The following RRBP1 variants were observed in gnomAD, a reference collection of about 807,000 sequenced individuals.
RRBP1 encodes ribosome binding protein 1, also known as ribosome-binding protein 1.
Under a neutral mutation model 165.2 loss-of-function variants are expected in RRBP1, and 94 were observed. That is an observed-to-expected ratio of 0.57 (90% CI 0.48 to 0.68). The LOEUF (loss-of-function observed/expected upper bound fraction) is 0.68. Ranked by LOEUF, RRBP1 falls within the 30% of genes least tolerant of loss-of-function variation. The pLI, the probability that RRBP1 is intolerant of heterozygous loss-of-function variation, is 0.00. For missense variants in RRBP1, 1,676 were observed against 1,763.0 expected (o/e 0.95, Z 0.88); for synonymous variants, 680 against 714.5 (o/e 0.95, Z 0.77).
Position 17,633,448 on chromosome 20 carries a change from G to A in RRBP1, c.2610+12C>T. 6.2e-7 allele frequency: 1 copy of A among 1,611,308 alleles called. No homozygotes were observed. Among genetic ancestry groups the A allele is most frequent in the Non-Finnish European group, 8.5e-7 (1 of 1,178,862 alleles). On this transcript the variant is annotated intron_variant, in intron 8 of 24. Transcript: ENST00000377813. ...TGAACAGGGCACTGAGGCGGCCACT[G>A]CCCCGACTCACCTGCAGCTGCAGGA...
intron 2 of RRBP1, among the ~76,000 whole-genome samples, chr20:17,666,507 A>G (rs552717704): frequency 6.6e-6 from 1 of 152,356 alleles, no homozygotes; most frequent in Admixed American, 6.5e-5. Context: ...CTGCATATGT[A>G]TAATTTACCC....
chr20:17,623,204 G>A (rs557414887), intron 13 of RRBP1: 7 of 152,378 alleles, frequency 4.6e-5, no homozygotes, highest in African/African-American at 1.4e-4. Context: ...GGGGCTACAA[G>A]GCCAAGATTC....
chr20:17,674,070 T>C (rs980604063), intron 2 of RRBP1, among the ~76,000 whole-genome samples: 4 of 152,218 alleles, frequency 2.6e-5, no homozygotes, highest in African/African-American at 9.6e-5. Context: ...TAAAAACCAA[T>C]TTAATGCAGT....
intron 3 of RRBP1, among the ~76,000 whole-genome samples, chr20:17,645,315 A>T (rs1397974885): frequency 6.6e-6 from 1 of 152,262 alleles, no homozygotes; most frequent in East Asian, 1.9e-4. Flanking sequence ...CGGCATTCTC[A>T]TAAATCTTTA....
rs1370946561 is a variant in RRBP1, at chr20:17,614,862, T to C, written c.4069A>G (p.Lys1357Glu). The C allele has an allele frequency of 1.9e-6, 3 of 1,613,430 alleles. No individual in the cohort carries two copies. Among genetic ancestry groups the C allele is most frequent in the Non-Finnish European group, 2.5e-6 (3 of 1,180,002 alleles). ...SQLKERLEKE[K>E]KLTSDLGRAA... ...CGCCCCAGGTCACTTGTTAACTTCT[T>C]CTCTTTTTCTAGTCTCTCCTGATGG... The change falls in exon 24 of 25, where the codon AAG becomes GAG. Residue 1357 changes from lysine to glutamate, a missense_variant. Coordinates refer to ENST00000377813, the MANE Select transcript of RRBP1 (RefSeq NM_001365613.2).
In RRBP1 at chr20:17,660,493, G is replaced by T; in HGVS notation, c.15C>A (p.Asp5Glu). The change falls in exon 3 of 25, where the codon GAC becomes GAA. Residue 5 changes from aspartate (D) to glutamate (E), a missense_variant. Physicochemically the swap from Asp to Glu is conservative, Grantham distance 45. Transcript: ENST00000377813. ...AGACCACAACCCCCAAGGTTTGAGT[G>T]TCGTAAATATCCATCCTGGCTTGCT... MDIY[D>E]TQTLGVVVFG... 1.9e-6 allele frequency: 3 copies of T among 1,613,136 alleles called. No individual in the cohort carries two copies. The highest frequency in any genetic ancestry group is 2.5e-6 in the Non-Finnish European group (3 of 1,179,360).
chr20:17,679,271 A>G (rs1035283310), intron 2 of RRBP1, among the ~76,000 whole-genome samples: 7 of 152,234 alleles, frequency 4.6e-5, no homozygotes, highest in Non-Finnish European at 7.3e-5. Flanking sequence ...CATTTATCCA[A>G]TGAGACAGCT....
chr20:17,652,796 G>A (rs1009665717), intron 3 of RRBP1, among the ~76,000 whole-genome samples: 2 of 152,194 alleles, frequency 1.3e-5, no homozygotes, highest in African/African-American at 4.8e-5. Context: ...ACGGTCTAAC[G>A]TGTCTCATCC....
chr20:17,638,941 G>GT (rs771845501), intron 5 of RRBP1, among the ~76,000 whole-genome samples: 1 of 151,972 alleles, frequency 6.6e-6, no homozygotes, highest in Non-Finnish European at 1.5e-5. Flanking sequence ...AACTCCTCCC[G>GT]TGACCCCATC....
chr20:17,616,649 G>T (rs1227086179), intron 21 of RRBP1, 83 bp downstream of exon 21: 1 of 893,586 alleles, frequency 1.1e-6, no homozygotes, highest in African/African-American at 1.7e-5. Context: ...CAGCCAGTGC[G>T]GGGTTTAGTC....
chr20:17,663,372 C>T (rs373480444), intron 2 of RRBP1, among the ~76,000 whole-genome samples: 22 of 152,302 alleles, frequency 1.4e-4, no homozygotes, highest in East Asian at 3.9e-4. Context: ...GACCCAGAAT[C>T]GAGAAAAACA....
At chr20:17,615,400 AG>A (rs781147910) in intron 23 of RRBP1, 30 bp downstream of exon 23, 1 of 1,557,904 alleles carries the variant, frequency 6.4e-7, no homozygotes, top group Non-Finnish European at 8.8e-7. Flanking sequence ...CAGACCCTCC[AG>A]GTGTGACCCC....
At chr20:17,623,288 A>C (rs2035950264) in intron 13 of RRBP1, 1 of 152,266 alleles carries the variant, frequency 6.6e-6, no homozygotes, top group African/African-American at 2.4e-5. Context: ...AGTTGTCCTC[A>C]TCTGATACAA....
At position 17,659,902 on chromosome 20, in the gene RRBP1, C is replaced by G; in HGVS notation, c.606G>C (p.Ala202=). 1 of 1,557,254 alleles carries G rather than the reference C, an allele frequency of 6.4e-7. No individual in the cohort carries two copies. Among genetic ancestry groups the G allele is most frequent in the Admixed American group, 1.9e-5 (1 of 51,598 alleles). ...PATGTTQGKK[A]EGTQNQSKKA... ...TTTTGCTTTGATTCTGAGTCCCCTCCGCCTTTTTGCCCTGAGTAGTGCCAG... is the reference window on the plus strand; with the variant it reads ...TTTTGCTTTGATTCTGAGTCCCCTCGGCCTTTTTGCCCTGAGTAGTGCCAG... Residue 202 remains alanine (A), a synonymous_variant, in exon 3 of 25, where the codon GCG becomes GCC. Transcript: ENST00000377813.
At chr20:17,620,464 T>C in intron 17 of RRBP1, 94 bp from the exon 18 acceptor site, 1 of 1,181,654 alleles carries the variant, frequency 8.5e-7, no homozygotes. Context: ...TGACCCAACT[T>C]AGGAAGCCCC....
intron 2 of RRBP1, among the ~76,000 whole-genome samples, 178 bp downstream of exon 2, chr20:17,679,821 C>T (rs1331544286): frequency 1.3e-5 from 2 of 152,204 alleles, no homozygotes; most frequent in African/African-American, 4.8e-5. Flanking sequence ...GAGGCAGATT[C>T]CTAAGTATGA....
chr20:17,615,657 A>T, intron 22 of RRBP1, 128 bp from the exon 23 acceptor site: 1 of 689,812 alleles, frequency 1.4e-6, no homozygotes, highest in Non-Finnish European at 2.4e-6. Flanking sequence ...TCCATCCTGT[A>T]GCTGGAATGA....
At chr20:17,676,979 C>T (rs2037094668) in intron 2 of RRBP1, among the ~76,000 whole-genome samples, 1 of 151,810 alleles carries the variant, frequency 6.6e-6, no homozygotes, top group Non-Finnish European at 1.5e-5. Flanking sequence ...AACTCCTGGG[C>T]TCAAGCGATC....
chr20:17,658,962 G>C lies in RRBP1; in HGVS notation c.1546C>G (p.Gln516Glu), dbSNP rs1195745344. ...QNQGQKGEGA[Q>E]NQGKKTEGAQ... Reference sequence around the variant, plus strand: ...CCTTCTGTCTTTTTACCCTGATTCTGGGCTCCCTCTCCTTTTTGGCCCTGG... The same window carrying C: ...CCTTCTGTCTTTTTACCCTGATTCTCGGCTCCCTCTCCTTTTTGGCCCTGG... Residue 516 changes from glutamine (Q) to glutamate (E), a missense_variant, in exon 3 of 25, where the codon CAG (glutamine) becomes GAG (glutamate). By Grantham distance (29) the Gln-to-Glu change is conservative. Coordinates refer to ENST00000377813, the MANE Select transcript of RRBP1 (RefSeq NM_001365613.2). The C allele has an allele frequency of 6.2e-7, 1 of 1,612,640 alleles. No homozygotes were observed. Among genetic ancestry groups the C allele is most frequent in the Admixed American group, 1.7e-5 (1 of 59,958 alleles).
Sources: gnomAD v4.1 joint callset for allele counts (sites outside exome capture counted in the v4.1 genomes callset) on GRCh38, gnomAD v4.1.1 for gene constraint, MANE v1.5 for transcripts, NCBI Gene and HGNC (gene_info 2026-07-23, HGNC 2026-07-21) for gene names.